The following TANC1 variants were observed in gnomAD, a reference collection of about 807,000 sequenced individuals.
The protein encoded by TANC1 is tetratricopeptide repeat, ankyrin repeat and coiled-coil containing 1, also known as protein TANC1.
A neutral mutation model predicts 149.7 loss-of-function variants in TANC1; 77 were observed. The ratio of observed to expected loss-of-function variants is 0.51; its 90% confidence interval spans 0.43 to 0.62. The LOEUF (loss-of-function observed/expected upper bound fraction) is 0.62. TANC1 is among the 20% of genes least tolerant of loss of function. The pLI is 0.00. For synonymous variants in TANC1, 854 were observed against 925.0 expected (o/e 0.92, Z 1.39); for missense variants, 1,985 against 2,321.8 (o/e 0.85, Z 2.98).
At chr2:159,068,468 T>C (rs915922384) in intron 3 of TANC1, among the ~76,000 whole-genome samples, 2 of 152,238 alleles carry the variant, frequency 1.3e-5, no homozygotes, top group African/African-American at 4.8e-5. Context: ...TCATGTCCTT[T>C]ATAGGTTGTT....
At chr2:158,989,068 G>A (rs2035332864) in intron 1 of TANC1, among the ~76,000 whole-genome samples, 1 of 152,142 alleles carries the variant, frequency 6.6e-6, no homozygotes, top group South Asian at 2.1e-4. Context: ...TTCACAGGGA[G>A]AGCACACTGG....
intron 14 of TANC1, among the ~76,000 whole-genome samples, chr2:159,184,058 C>T (rs753743461): frequency 2.6e-5 from 4 of 152,212 alleles, no homozygotes; most frequent in Non-Finnish European, 5.9e-5. Flanking sequence ...GTCTGACCAA[C>T]TTTAGTTCAA....
At chr2:159,201,244 G>A (rs1055393277) in intron 19 of TANC1, among the ~76,000 whole-genome samples, 2 of 152,146 alleles carry the variant, frequency 1.3e-5, no homozygotes, top group Non-Finnish European at 2.9e-5. Flanking sequence ...ATCTTGCAGG[G>A]GGTTTCAGCT....
chr2:159,190,375 T>C (rs1034362009), intron 16 of TANC1, among the ~76,000 whole-genome samples: 2 of 152,186 alleles, frequency 1.3e-5, no homozygotes, highest in African/African-American at 4.8e-5. Flanking sequence ...CAGAGTCTGG[T>C]GTGCCCCTTG....
chr2:159,108,793 A>C (rs1405676206), intron 4 of TANC1, among the ~76,000 whole-genome samples: 1 of 152,112 alleles, frequency 6.6e-6, no homozygotes, highest in Admixed American at 6.5e-5. Context: ...CAGAGTGGTG[A>C]TTTCTAGAAG....
In TANC1 at chr2:159,219,818, A is replaced by G; in HGVS notation, c.3629A>G (p.Asn1210Ser). 6.2e-7 allele frequency: 1 copy of G among 1,613,852 alleles called. No homozygotes were observed. The highest frequency in any genetic ancestry group is 8.5e-7 in the Non-Finnish European group (1 of 1,180,036). Reference sequence around the variant, plus strand: ...GCTGCAATAGACCAGACAGACAAGAATGGCCGCACACCCTTGGACCTGGCT... The same window carrying G: ...GCTGCAATAGACCAGACAGACAAGAGTGGCCGCACACCCTTGGACCTGGCT... Reference protein sequence around the residue: ...EGAAIDQTDKNGRTPLDLAAF... With the variant: ...EGAAIDQTDKSGRTPLDLAAF... The change falls in exon 22 of 27, where the codon AAT (asparagine) becomes AGT (serine). Residue 1210 changes from asparagine to serine, a missense_variant. Asn to Ser is a conservative substitution (Grantham distance 46, BLOSUM62 1). Coordinates refer to ENST00000263635, the MANE Select transcript of TANC1 (RefSeq NM_033394.3).
At chr2:159,115,094 G>T (rs866162231) in intron 4 of TANC1, among the ~76,000 whole-genome samples, 1 of 152,194 alleles carries the variant, frequency 6.6e-6, no homozygotes, top group Non-Finnish European at 1.5e-5. Flanking sequence ...GATGACAACA[G>T]TGAAGACATT....
At chr2:159,040,828 G>T (rs2040573127) in intron 2 of TANC1, among the ~76,000 whole-genome samples, 1 of 152,164 alleles carries the variant, frequency 6.6e-6, no homozygotes, top group Non-Finnish European at 1.5e-5. Context: ...CATTCCTTTG[G>T]AGGAGAAGAG....
intron 19 of TANC1, among the ~76,000 whole-genome samples, chr2:159,213,738 A>G (rs975601367): frequency 5.9e-5 from 9 of 152,160 alleles, no homozygotes; most frequent in African/African-American, 2.2e-4. Context: ...TTATCTGACT[A>G]GAAAGATGAC....
rs1553616294 is a variant in TANC1 at position 159,219,977 on chromosome 2, A to AGAGAGAGTGTGTGTGTGTGTGT, written c.3678+111_3678+112insAGAGAGTGTGTGTGTGTGTGTG. ...AGGTTGTGTCTCAGTGTCATCAGAG[A>AGAGAGAGTGTGTGTGTGTGTGT]GTGTGTGTGTGTGTGTGTGTGTGTG... is the stretch of plus-strand genomic sequence containing the variant. On this transcript the variant is annotated intron_variant, in intron 22 of 26. Transcript: ENST00000263635. The AGAGAGAGTGTGTGTGTGTGTGT allele has an allele frequency of 7.5e-6, 4 of 535,454 alleles. No individual in the cohort carries two copies. In the African/African-American group the frequency reaches 8.4e-5, roughly 11 times the overall value. The allele number at this position is 535,454 out of a possible 1,614,324, so 33.2% of individuals were successfully genotyped here.
intron 1 of TANC1, among the ~76,000 whole-genome samples, chr2:158,993,596 G>A (rs756987554): frequency 2.0e-5 from 3 of 152,094 alleles, no homozygotes; most frequent in Non-Finnish European, 4.4e-5. Context: ...AATAAAACAT[G>A]GGGGTCGGCT....
chr2:158,991,048 C>G (rs540532971), intron 1 of TANC1, among the ~76,000 whole-genome samples: 3 of 139,476 alleles, frequency 2.2e-5, no homozygotes, highest in African/African-American at 8.0e-5. Context: ...GCTGAGATTG[C>G]GCCACTGCAC....
chr2:159,099,593 G>A (rs530048953), intron 4 of TANC1, among the ~76,000 whole-genome samples: 7 of 151,994 alleles, frequency 4.6e-5, no homozygotes, highest in Admixed American at 3.9e-4. Context: ...GTGTGTGTGT[G>A]CGCACACATT....
At position 159,045,357 on chromosome 2, in the gene TANC1, G is replaced by A. The variant is rs775646978; in HGVS notation, c.-15-20539G>A. 3.3e-5 allele frequency among the ~76,000 whole-genome samples: 5 copies of A among 152,220 alleles called. No homozygotes were observed. The South Asian group carries it at 6.2e-4, about 19-fold the overall frequency. On this transcript the variant is annotated intron_variant, in intron 2 of 26. Coordinates refer to ENST00000263635, the MANE Select transcript of TANC1 (RefSeq NM_033394.3). ...TGAGGCATGAGAATTGCTTGAACTC[G>A]GGAGGCGGAGGTTGCAGTGAGCCGA...
chr2:159,161,741 T>C lies in TANC1; in HGVS notation c.683-1542T>C, dbSNP rs539862451. On this transcript the variant is annotated intron_variant, in intron 7 of 26. Transcript: ENST00000263635. ...GTGATTGATTCCAAAGAGGTGGAGG[T>C]ATGGTTTAATACTGCTGATGGAACA... 1.4e-4 allele frequency among the ~76,000 whole-genome samples: 22 copies of C among 152,114 alleles called. No homozygotes were observed. The East Asian group carries it at 4.2e-3, about 29-fold the overall frequency.
At chr2:159,115,996 C>G (rs964427724) in intron 4 of TANC1, among the ~76,000 whole-genome samples, 1 of 152,126 alleles carries the variant, frequency 6.6e-6, no homozygotes, top group Admixed American at 6.5e-5. Context: ...CTCCACGAAG[C>G]CATGCTTGTG....
At chr2:159,228,719 T>C (rs1272369670) in intron 25 of TANC1, 77 bp from the exon 26 acceptor site, 8 of 1,063,062 alleles carry the variant, frequency 7.5e-6, no homozygotes, top group Non-Finnish European at 1.0e-5. Flanking sequence ...TGCTACCCTT[T>C]AGAACAAAAC....
At chr2:159,065,249 T>G (rs1175147305) in intron 2 of TANC1, among the ~76,000 whole-genome samples, 1 of 152,218 alleles carries the variant, frequency 6.6e-6, no homozygotes, top group Non-Finnish European at 1.5e-5. Context: ...CTGGCCGTAG[T>G]GCCACAGGCC....
At chr2:159,017,167 A>G (rs139542439) in intron 2 of TANC1, among the ~76,000 whole-genome samples, 54 of 152,228 alleles carry the variant, frequency 3.5e-4, no homozygotes, top group African/African-American at 1.3e-3. Flanking sequence ...ACAGGGGAAA[A>G]TGATCAGTGT....
Sources: allele counts gnomAD v4.1 joint callset (sites outside exome capture counted in the v4.1 genomes callset), GRCh38; gene constraint gnomAD v4.1.1; transcripts MANE v1.5; gene names NCBI Gene and HGNC (gene_info 2026-07-23, HGNC 2026-07-21).